The following SPECC1 variants were observed in gnomAD, a reference collection of about 807,000 sequenced individuals.
SPECC1 encodes cytospin-B.
In SPECC1, 62 loss-of-function variants were observed where a neutral mutation model predicts 104.1. That is an observed-to-expected ratio of 0.60 (90% CI 0.49 to 0.74). SPECC1 has a LOEUF of 0.74. Ranked by LOEUF, SPECC1 falls within the 30% of genes least tolerant of loss-of-function variation. The pLI, the probability that SPECC1 is intolerant of heterozygous loss-of-function variation, is 0.00. For missense variants in SPECC1, 1,306 were observed against 1,310.5 expected (o/e 1.00, Z 0.05); for synonymous variants, 513 against 501.6 (o/e 1.02, Z -0.30).
intron 1 of SPECC1, among the ~76,000 whole-genome samples, chr17:20,070,651 C>G (rs1298403298): frequency 6.6e-6 from 1 of 151,986 alleles, no homozygotes; most frequent in African/African-American, 2.4e-5. Flanking sequence ...TCTTTTCTTG[C>G]CATTGTTGTT....
rs141931255 is a variant in SPECC1 at position 20,274,517 on chromosome 17, T to C, written c.2940+14223T>C. Among the ~76,000 whole-genome samples the C allele has an allele frequency of 4.7e-3, 704 of 149,634 alleles. 6 individuals carry two copies. The highest frequency in any genetic ancestry group is 0.016 in the African/African-American group (670 of 40,860). On this transcript the variant is annotated intron_variant, in intron 12 of 14. Coordinates refer to ENST00000395527, the MANE Select transcript of SPECC1 (RefSeq NM_001243439.2). ...CTTTTTTTCTTTTTTCTTTTTTTTT[T>C]TTTTTTTTGAGAGGTAGTCTCAAAA...
rs2042003548 is a variant in SPECC1 at position 20,314,215 on chromosome 17, A to G, written c.*150A>G. 3.0e-6 allele frequency: 2 copies of G among 667,330 alleles called. No homozygotes were observed. Among genetic ancestry groups the G allele is most frequent in the Non-Finnish European group, 5.3e-6 (2 of 375,556 alleles). The allele number at this position is 667,330 out of a possible 1,614,324, so 41.3% of individuals were successfully genotyped here. ...ATCCAAGTGGACCAACACCCAAATA[A>G]GAAACAGAGTGGGTCCCACGATGTA... On this transcript the variant is annotated 3_prime_UTR_variant, in exon 15 of 15. Transcript: ENST00000395527.
intron 3 of SPECC1, among the ~76,000 whole-genome samples, chr17:20,125,894 T>G (rs959373769): frequency 9.2e-5 from 14 of 152,310 alleles, no homozygotes; most frequent in African/African-American, 3.4e-4. Flanking sequence ...CATGGTGGTG[T>G]CGTGGCCCTG....
chr17:20,161,240 A>G (rs1392312352), intron 3 of SPECC1, among the ~76,000 whole-genome samples: 2 of 152,198 alleles, frequency 1.3e-5, no homozygotes, highest in East Asian at 3.9e-4. Flanking sequence ...TTCTAAGGTA[A>G]TCTATTGTTT....
chr17:20,134,500 A>G lies in SPECC1; in HGVS notation c.283+23938A>G, dbSNP rs971371331. On this transcript the variant is annotated intron_variant, in intron 3 of 14. Transcript: ENST00000395527. ...AAAATTGGGCACAGGAGCTTTTTAA[A>G]AATGGTATATTATAAAGCCAATTAA... Among the ~76,000 whole-genome samples the G allele has an allele frequency of 1.4e-4, 21 of 152,178 alleles. No homozygotes were observed. In the East Asian group the frequency reaches 4.1e-3, roughly 29 times the overall value.
rs77051996 is a variant in SPECC1 at position 20,186,241 on chromosome 17, G to A, written c.284-18092G>A. Among the ~76,000 whole-genome samples the A allele has an allele frequency of 6.7e-3, 1,019 of 152,278 alleles. 10 individuals are homozygous for A. Among genetic ancestry groups the A allele is most frequent in the African/African-American group, 0.023 (962 of 41,556 alleles). On this transcript the variant is annotated intron_variant, in intron 3 of 14. Transcript: ENST00000395527. ...CACCACAATAAAATGAATTACATGA[G>A]GTTTTTGGTTTCCTGGTGCATACAA...
At chr17:20,271,533 A>G (rs2040406542) in intron 12 of SPECC1, among the ~76,000 whole-genome samples, 1 of 152,010 alleles carries the variant, frequency 6.6e-6, no homozygotes, top group Non-Finnish European at 1.5e-5. Flanking sequence ...CTGTTTACTT[A>G]GTTTTGTATG....
intron 3 of SPECC1, among the ~76,000 whole-genome samples, chr17:20,196,239 A>G (rs138131334): frequency 5.9e-5 from 9 of 152,352 alleles, no homozygotes; most frequent in African/African-American, 1.2e-4. Flanking sequence ...TATTTCTTCA[A>G]TAGTCTCAAT....
chr17:20,088,880 G>A (rs530762080), intron 1 of SPECC1, among the ~76,000 whole-genome samples: 2 of 152,346 alleles, frequency 1.3e-5, no homozygotes, highest in East Asian at 1.9e-4. Flanking sequence ...GATTGTGCTT[G>A]TGCAAAACAG....
Position 20,314,164 on chromosome 17 carries a change from C to A in SPECC1, c.*99C>A. 2.0e-6 allele frequency: 2 copies of A among 1,000,108 alleles called. No individual in the cohort carries two copies. The highest frequency in any genetic ancestry group is 3.1e-6 in the Non-Finnish European group (2 of 653,120). The allele number at this position is 1,000,108 out of a possible 1,614,324, so 62.0% of individuals were successfully genotyped here. The stretch of plus-strand genomic sequence containing the variant: ...TGACCCTGCTCTGCCCACCACCCAG[C>A]TGCCTAGACTTCAAAGACAGGCTCA... On this transcript the variant is annotated 3_prime_UTR_variant, in exon 15 of 15. Coordinates refer to ENST00000395527, the MANE Select transcript of SPECC1 (RefSeq NM_001243439.2).
At chr17:20,289,146 C>G (rs1391811281) in intron 12 of SPECC1, among the ~76,000 whole-genome samples, 1 of 152,112 alleles carries the variant, frequency 6.6e-6, no homozygotes, top group African/African-American at 2.4e-5. Flanking sequence ...AAAGTGGAAA[C>G]CCCTGATAAA....
intron 5 of SPECC1, among the ~76,000 whole-genome samples, chr17:20,231,478 G>A (rs2038575237): frequency 6.6e-6 from 1 of 152,182 alleles, no homozygotes; most frequent in African/African-American, 2.4e-5. Flanking sequence ...TTCCCGTAGT[G>A]CTGCTATTTG....
chr17:20,306,056 G>C lies in SPECC1; in HGVS notation c.3091G>C (p.Glu1031Gln). The C allele has an allele frequency of 6.2e-7, 1 of 1,613,970 alleles. No individual in the cohort carries two copies. The highest frequency in any genetic ancestry group is 8.5e-7 in the Non-Finnish European group (1 of 1,179,972). The change falls in exon 14 of 15, where the codon GAA becomes CAA. Residue 1031 changes from glutamate to glutamine, a missense_variant. Physicochemically the swap from Glu to Gln is conservative, Grantham distance 29 (BLOSUM62 2). This residue lies in a region of SPECC1 where 129 missense variants were observed against 170.6 expected (regional missense o/e 0.76). Transcript: ENST00000395527. Reference sequence around the variant, plus strand: ...TCTCTTGTTGGCATTTGAAGCGGCTGAAAGTGTAGGCATCAAACCCAGCCT... The same window carrying C: ...TCTCTTGTTGGCATTTGAAGCGGCTCAAAGTGTAGGCATCAAACCCAGCCT... ...RNLLLAFEAAESVGIKPSLEL... is the reference protein window; with the variant it reads ...RNLLLAFEAAQSVGIKPSLEL...
At chr17:20,057,933 T>C (rs2152468494) in intron 1 of SPECC1, 1 of 152,348 alleles carries the variant, frequency 6.6e-6, no homozygotes, top group East Asian at 1.9e-4. Flanking sequence ...TATCAAAAAA[T>C]ATATTTCTTT....
chr17:20,254,514 T>C (rs1485936376), intron 10 of SPECC1, among the ~76,000 whole-genome samples: 2 of 152,202 alleles, frequency 1.3e-5, no homozygotes, highest in Non-Finnish European at 2.9e-5. Context: ...AAGTGTTTAC[T>C]GTGCACATCT....
chr17:20,105,351 T>C (rs1190662180), intron 2 of SPECC1, among the ~76,000 whole-genome samples: 1 of 152,232 alleles, frequency 6.6e-6, no homozygotes, highest in Non-Finnish European at 1.5e-5. Flanking sequence ...TGCCTTGGCC[T>C]TCAAATGTTT....
At chr17:20,156,110 C>A in intron 3 of SPECC1, 1 of 1,364,522 alleles carries the variant, frequency 7.3e-7, no homozygotes, top group Non-Finnish European at 9.5e-7. Context: ...GACGCAACCG[C>A]CTCGCCAGCC....
intron 12 of SPECC1, among the ~76,000 whole-genome samples, chr17:20,294,601 T>C (rs1189110054): frequency 6.6e-6 from 1 of 151,404 alleles, no homozygotes; most frequent in African/African-American, 2.4e-5. Context: ...GTGGGGATGA[T>C]GGTCATGGTT....
chr17:20,313,684 G>A (rs1433415934), intron 14 of SPECC1, among the ~76,000 whole-genome samples: 6 of 152,204 alleles, frequency 3.9e-5, no homozygotes, highest in Non-Finnish European at 5.9e-5. Context: ...TGAAATTATG[G>A]GTGATTTTTG....
Sources: gnomAD v4.1 joint callset for allele counts (sites outside exome capture counted in the v4.1 genomes callset) on GRCh38, gnomAD v4.1.1 for gene constraint, gnomAD v4.1.1 regional missense constraint, MANE v1.5 for transcripts, NCBI Gene and HGNC (gene_info 2026-07-23, HGNC 2026-07-21) for gene names.